MCC: variants seen among roughly 807,000 people sequenced by gnomAD.
MCC encodes the protein colorectal mutant cancer protein.
Under a neutral mutation model 116.2 loss-of-function variants are expected in MCC, and 90 were observed. The observed-to-expected ratio is 0.77, with a 90% CI of 0.65 to 0.92. The LOEUF (loss-of-function observed/expected upper bound fraction) is 0.92. MCC is among the 40% of genes least tolerant of loss of function. The pLI, the probability that MCC is intolerant of heterozygous loss-of-function variation, is 0.00. For synonymous variants in MCC, 578 were observed against 510.5 expected (o/e 1.13, Z -1.78); for missense variants, 1,516 against 1,312.2 (o/e 1.16, Z -2.40).
intron 17 of MCC, among the ~76,000 whole-genome samples, chr5:113,040,041 A>C (rs1218329709): frequency 6.6e-6 from 1 of 151,532 alleles, no homozygotes; most frequent in African/African-American, 2.4e-5. Flanking sequence ...CTGTTAAGAA[A>C]ACATCTCGTG....
At chr5:113,248,827 CTCTT>C (rs1321128831) in intron 3 of MCC, among the ~76,000 whole-genome samples, 8 of 134,558 alleles carry the variant, frequency 5.9e-5, no homozygotes, top group Non-Finnish European at 9.6e-5. Flanking sequence ...CATTCTCTCT[CTCTT>C]CTTTTTTTTT....
intron 3 of MCC, among the ~76,000 whole-genome samples, chr5:113,156,722 C>T (rs992960573): frequency 6.6e-6 from 1 of 152,190 alleles, no homozygotes; most frequent in Admixed American, 6.5e-5. Flanking sequence ...ACATTCCTCA[C>T]ATTTCTGGAG....
chr5:113,327,557 A>ATAT lies in MCC; in HGVS notation c.627+12961_627+12962insATA, dbSNP rs1243077934. Among the ~76,000 whole-genome samples the ATAT allele has an allele frequency of 1.3e-3, 105 of 81,964 alleles. 1 individual carries two copies. Among genetic ancestry groups the ATAT allele is most frequent in the African/African-American group, 4.8e-3 (92 of 19,102 alleles). The allele number at this position is 81,964 out of a possible 152,430, so 53.8% of individuals were successfully genotyped here. ...TAAGACTCAGTCTCAAAAAAAAAAA[A>ATAT]AAAAATATATATATATATATATATA... On this transcript the variant is annotated intron_variant, in intron 3 of 18. Transcript: ENST00000408903.
intron 3 of MCC, chr5:113,294,512 C>A (rs560613036): frequency 3.1e-5 from 47 of 1,531,220 alleles, no homozygotes; most frequent in Middle Eastern, 3.4e-4. Flanking sequence ...CATTTTCACC[C>A]AGGACAGTTG....
Position 113,187,768 on chromosome 5 carries a change from AAAAG to A in MCC, c.628-36350_628-36347del, listed in dbSNP as rs1476886694. On this transcript the variant is annotated intron_variant, in intron 3 of 18. Transcript: ENST00000408903. ...AGACTCCAACTCAAAAAAAAAAAAA[AAAAG>A]AAAGAAAGAAAACATACCAACAAAA... Among the ~76,000 whole-genome samples the A allele has an allele frequency of 1.2e-3, 186 of 149,848 alleles. 1 individual carries two copies. The highest frequency in any genetic ancestry group is 4.4e-3 in the African/African-American group (175 of 39,902).
At chr5:113,320,433 A>C (rs1279170060) in intron 3 of MCC, among the ~76,000 whole-genome samples, 1 of 147,516 alleles carries the variant, frequency 6.8e-6, no homozygotes, top group East Asian at 1.9e-4. Context: ...CTGTTTAAGA[A>C]AATGCACCAG....
At chr5:113,363,746 C>T (rs1333529724) in intron 2 of MCC, among the ~76,000 whole-genome samples, 1 of 152,182 alleles carries the variant, frequency 6.6e-6, no homozygotes, top group Non-Finnish European at 1.5e-5. Flanking sequence ...ACAATCATGC[C>T]TTCCCAATAG....
intron 5 of MCC, among the ~76,000 whole-genome samples, chr5:113,136,186 G>A (rs543881248): frequency 2.0e-5 from 3 of 152,318 alleles, no homozygotes; most frequent in Admixed American, 2.0e-4. Flanking sequence ...GGCTACAGTT[G>A]ATATTTACTC....
chr5:113,184,305 T>G (rs1395465093), intron 3 of MCC, among the ~76,000 whole-genome samples: 1 of 152,148 alleles, frequency 6.6e-6, no homozygotes, highest in Middle Eastern at 3.2e-3. Flanking sequence ...CCACCTACCC[T>G]CCCTGAAACT....
intron 3 of MCC, among the ~76,000 whole-genome samples, chr5:113,296,703 C>A (rs1448858226): frequency 1.3e-5 from 2 of 152,030 alleles, no homozygotes; most frequent in Non-Finnish European, 2.9e-5. Context: ...TCTCAATAGG[C>A]AATGGAGAGC....
At chr5:113,419,222 G>C (rs766880800) in intron 1 of MCC, among the ~76,000 whole-genome samples, 5 of 150,676 alleles carry the variant, frequency 3.3e-5, no homozygotes, top group African/African-American at 4.9e-5. Context: ...GGAGTGTGGA[G>C]TGCAGCGGCG....
chr5:113,259,630 C>T (rs151254052), intron 3 of MCC, among the ~76,000 whole-genome samples: 6 of 152,190 alleles, frequency 3.9e-5, no homozygotes, highest in Middle Eastern at 3.4e-3. Flanking sequence ...CAGCAGAGTG[C>T]GGCCAGGAGA....
intron 3 of MCC, among the ~76,000 whole-genome samples, chr5:113,200,409 C>T (rs1762625493): frequency 6.6e-6 from 1 of 152,136 alleles, no homozygotes; most frequent in Admixed American, 6.5e-5. Context: ...CAGTGAACCA[C>T]GAGTTGCTGT....
At chr5:113,310,175 C>T (rs1163482519) in intron 3 of MCC, among the ~76,000 whole-genome samples, 1 of 152,330 alleles carries the variant, frequency 6.6e-6, no homozygotes, top group African/African-American at 2.4e-5. Context: ...AATGGAACAG[C>T]GTTAAGAGGT....
chr5:113,099,173 T>C (rs1170607682), intron 8 of MCC, among the ~76,000 whole-genome samples: 1 of 152,234 alleles, frequency 6.6e-6, no homozygotes, highest in African/African-American at 2.4e-5. Flanking sequence ...ATGGTATGTA[T>C]ATAAATTCCT....
chr5:113,106,757 A>G (rs569737091), intron 6 of MCC, among the ~76,000 whole-genome samples: 6 of 152,276 alleles, frequency 3.9e-5, no homozygotes, highest in Non-Finnish European at 7.4e-5. Flanking sequence ...CACAGGGTCT[A>G]TGTTGCCTGT....
intron 3 of MCC, among the ~76,000 whole-genome samples, chr5:113,286,558 C>G (rs1218509505): frequency 6.6e-6 from 1 of 152,190 alleles, no homozygotes; most frequent in Non-Finnish European, 1.5e-5. Context: ...AGGCACTGAT[C>G]AAATCTCATG....
intron 13 of MCC, among the ~76,000 whole-genome samples, 169 bp downstream of exon 13, chr5:113,067,911 A>G (rs1224866136): frequency 6.6e-6 from 1 of 152,248 alleles, no homozygotes; most frequent in Non-Finnish European, 1.5e-5. Flanking sequence ...TTCTTGCTGC[A>G]TTCAACATAA....
At chr5:113,080,827 A>G (rs1242729483) in intron 11 of MCC, among the ~76,000 whole-genome samples, 1 of 140,024 alleles carries the variant, frequency 7.1e-6, no homozygotes, top group East Asian at 2.0e-4. Context: ...AAAAAAAAAA[A>G]GAAAAGAAAA....
Sources: gnomAD v4.1 joint callset for allele counts (sites outside exome capture counted in the v4.1 genomes callset) on GRCh38, gnomAD v4.1.1 for gene constraint, MANE v1.5 for transcripts, NCBI Gene and HGNC (gene_info 2026-07-23, HGNC 2026-07-21) for gene names.